Variants in DAPK1 observed in about 807,000 individuals in gnomAD.
DAPK1 encodes death associated protein kinase 1, also known as death-associated protein kinase 1.
In DAPK1, 56 loss-of-function variants were observed where a neutral mutation model predicts 144.9. That is an observed-to-expected ratio of 0.39 (90% CI 0.31 to 0.48). The LOEUF (loss-of-function observed/expected upper bound fraction) is 0.48. Among genes scored for constraint, DAPK1 ranks in the 20% least tolerant of loss-of-function variants. The pLI is 0.95. For missense variants in DAPK1, 1,454 were observed against 1,875.4 expected (o/e 0.78, Z 4.15); for synonymous variants, 690 against 749.0 (o/e 0.92, Z 1.29).
At chr9:87,665,749 C>T (rs959420609) in intron 18 of DAPK1, among the ~76,000 whole-genome samples, 1 of 152,192 alleles carries the variant, frequency 6.6e-6, no homozygotes, top group Non-Finnish European at 1.5e-5. Flanking sequence ...CTTTCTATGT[C>T]ATGGGGCCAA....
At chr9:87,656,822 CT>C (rs564150154) in intron 17 of DAPK1, among the ~76,000 whole-genome samples, 2 of 152,232 alleles carry the variant, frequency 1.3e-5, no homozygotes, top group East Asian at 3.9e-4. Context: ...CACATCTCGG[CT>C]GTTTAAATTA....
chr9:87,679,758 T>A (rs892467412), intron 19 of DAPK1, among the ~76,000 whole-genome samples: 3 of 152,192 alleles, frequency 2.0e-5, no homozygotes, highest in African/African-American at 7.2e-5. Context: ...TGGAGCCTCC[T>A]GCTTCTCCAT....
intron 2 of DAPK1, among the ~76,000 whole-genome samples, chr9:87,586,372 C>T (rs1407680967): frequency 2.0e-5 from 3 of 152,008 alleles, no homozygotes; most frequent in Non-Finnish European, 4.4e-5. Context: ...TACTCTGTCT[C>T]AAAGTAAGTC....
At chr9:87,682,123 A>G (rs1432083427) in intron 20 of DAPK1, among the ~76,000 whole-genome samples, 1 of 152,202 alleles carries the variant, frequency 6.6e-6, no homozygotes, top group Non-Finnish European at 1.5e-5. Context: ...AGGGATTTCC[A>G]GGAAGCACCA....
At chr9:87,655,539 A>G (rs1830602237) in intron 17 of DAPK1, among the ~76,000 whole-genome samples, 1 of 152,132 alleles carries the variant, frequency 6.6e-6, no homozygotes, top group Non-Finnish European at 1.5e-5. Flanking sequence ...CTCTTTCTCC[A>G]TTGCGTGGTC....
chr9:87,686,607 C>T lies in DAPK1; in HGVS notation c.2281C>T (p.Arg761Cys), dbSNP rs1360034178. ...CTGCGAGAACGTGAGTGTGAGGAGC[C>T]GCAGCATGATGTTCGAGCCGGGTCT... The part of the protein sequence containing the change: ...PGCENVSVRS[R>C]SMMFEPGLTK... The change falls in exon 21 of 26, where the codon CGC (arginine) becomes TGC (cysteine). Residue 761 changes from arginine to cysteine, a missense_variant. Coordinates refer to ENST00000408954, the MANE Select transcript of DAPK1 (RefSeq NM_004938.4). This position sits in a 1 kb window ranked among gnomAD's most constrained non-coding sequence, Gnocchi z 4.2. 6.2e-7 allele frequency: 1 copy of T among 1,604,872 alleles called. No individual in the cohort carries two copies. Among genetic ancestry groups the T allele is most frequent in the Non-Finnish European group, 8.5e-7 (1 of 1,174,862 alleles).
At chr9:87,593,563 G>A (rs572375226) in intron 2 of DAPK1, among the ~76,000 whole-genome samples, 64 of 152,244 alleles carry the variant, frequency 4.2e-4, no homozygotes, top group Middle Eastern at 6.8e-3. Context: ...GACCTATGCC[G>A]TCAGACTACC....
At chr9:87,574,026 G>C (rs992520250) in intron 2 of DAPK1, among the ~76,000 whole-genome samples, 1 of 152,160 alleles carries the variant, frequency 6.6e-6, no homozygotes, top group African/African-American at 2.4e-5. Context: ...ATGCCACTGT[G>C]CTATCCTAAG....
intron 2 of DAPK1, among the ~76,000 whole-genome samples, chr9:87,528,215 CTTTCTT>C (rs1216220788): frequency 1.1e-4 from 9 of 85,114 alleles, no homozygotes; most frequent in Non-Finnish European, 1.5e-4. Flanking sequence ...TCTTTTCTTT[CTTTCTT>C]TTTTTTTTTT....
At position 87,650,065 on chromosome 9, in the gene DAPK1, G is replaced by A. The variant is rs776122467; in HGVS notation, c.1573G>A (p.Asp525Asn). ...LLTASARGYH[D>N]IVECLAEHGA... is the part of the protein sequence containing the mutation. ...GACAGCCTCTGCCAGGGGCTACCAC[G>A]ACATCGTGGAGTGTCTGGCCGAACA... Residue 525 changes from aspartate (D) to asparagine (N), a missense_variant, in exon 16 of 26, where the codon GAC becomes AAC. Asp to Asn is a conservative substitution (Grantham distance 23). Coordinates refer to ENST00000408954, the MANE Select transcript of DAPK1 (RefSeq NM_004938.4). 6.3e-5 allele frequency: 102 copies of A among 1,613,956 alleles called. No individual in the cohort carries two copies. Among genetic ancestry groups the A allele is most frequent in the Non-Finnish European group, 8.0e-5 (94 of 1,180,044 alleles).
intron 3 of DAPK1, among the ~76,000 whole-genome samples, chr9:87,610,428 T>C (rs1328224330): frequency 6.6e-6 from 1 of 152,274 alleles, no homozygotes; most frequent in African/African-American, 2.4e-5. Flanking sequence ...CGCCTTGTTA[T>C]CTGGTGAAGG....
At chr9:87,667,331 AC>A (rs1831094016) in intron 18 of DAPK1, among the ~76,000 whole-genome samples, 1 of 152,120 alleles carries the variant, frequency 6.6e-6, no homozygotes, top group Non-Finnish European at 1.5e-5. Flanking sequence ...CTGGGCTTCA[AC>A]CGGCAGCCTA....
rs577995623 is a variant in DAPK1 at position 87,629,911 on chromosome 9, A to T, written c.285-8032A>T. Among the ~76,000 whole-genome samples, 4 of 152,212 alleles carry T rather than the reference A, an allele frequency of 2.6e-5. No individual in the cohort carries two copies. In the South Asian group the frequency reaches 8.3e-4, roughly 32 times the overall value. ...AGGCAGCATCCACCTGCGTGCTGGG[A>T]CACTTGCTCTGGAGCCCTGACGTGC... On this transcript the variant is annotated intron_variant, in intron 3 of 25. Coordinates refer to ENST00000408954, the MANE Select transcript of DAPK1 (RefSeq NM_004938.4).
intron 21 of DAPK1, among the ~76,000 whole-genome samples, chr9:87,687,389 T>G (rs990021815): frequency 6.6e-6 from 1 of 152,220 alleles, no homozygotes; most frequent in African/African-American, 2.4e-5. Context: ...CATGCAGTAT[T>G]TATCTTTCTG....
chr9:87,682,476 G>C (rs1264275571), intron 20 of DAPK1, among the ~76,000 whole-genome samples: 1 of 152,174 alleles, frequency 6.6e-6, no homozygotes, highest in East Asian at 1.9e-4. Flanking sequence ...GAAGAGCCAG[G>C]TCTGTTCCCC....
intron 17 of DAPK1, among the ~76,000 whole-genome samples, chr9:87,654,929 C>T (rs1299006457): frequency 1.3e-5 from 2 of 152,138 alleles, no homozygotes; most frequent in Non-Finnish European, 2.9e-5. Flanking sequence ...TCAAAAAATC[C>T]ACAAGACAGT....
chr9:87,633,371 G>A (rs893489363), intron 3 of DAPK1: 3 of 984,954 alleles, frequency 3.0e-6, no homozygotes, highest in African/African-American at 3.5e-5. Context: ...GGGGGATGGA[G>A]TGAATACATA....
chr9:87,680,150 G>C (rs1824551712), intron 19 of DAPK1, among the ~76,000 whole-genome samples: 1 of 151,506 alleles, frequency 6.6e-6, no homozygotes, highest in African/African-American at 2.4e-5. Flanking sequence ...TGTCACCCAG[G>C]CTGGAGTGCA....
intron 2 of DAPK1, among the ~76,000 whole-genome samples, chr9:87,555,475 T>C (rs1445835569): frequency 6.6e-6 from 1 of 152,202 alleles, no homozygotes; most frequent in Non-Finnish European, 1.5e-5. Context: ...GTGAAATTTA[T>C]TTATCATGAA....
Sources: allele counts gnomAD v4.1 joint callset (sites outside exome capture counted in the v4.1 genomes callset), GRCh38; gene constraint gnomAD v4.1.1; non-coding constraint Gnocchi (gnomAD v3.1); transcripts MANE v1.5; gene names NCBI Gene and HGNC (gene_info 2026-07-23, HGNC 2026-07-21).